The following FRMD6 variants were observed in gnomAD, a reference collection of about 807,000 sequenced individuals.
FRMD6 encodes the protein FERM domain-containing protein 6.
A neutral mutation model predicts 73.2 loss-of-function variants in FRMD6; 37 were observed. The observed-to-expected ratio is 0.51, with a 90% CI of 0.39 to 0.66. FRMD6 has a LOEUF of 0.66. FRMD6 is among the 30% of genes least tolerant of loss of function. The pLI is 0.00. For synonymous variants in FRMD6, 273 were observed against 282.2 expected (o/e 0.97, Z 0.33); for missense variants, 714 against 780.5 (o/e 0.91, Z 1.02).
At chr14:51,413,990 A>C in the FRMD6 span, among the ~76,000 whole-genome samples, 1 of 151,890 alleles carries the variant, frequency 6.6e-6, no homozygotes, top group Non-Finnish European at 1.5e-5. Flanking sequence ...TCCTTTGCCC[A>C]CTTTTTGATG....
chr14:51,642,944 G>A (rs897298843), intron 2 of FRMD6, among the ~76,000 whole-genome samples: 3 of 152,180 alleles, frequency 2.0e-5, no homozygotes, highest in African/African-American at 4.8e-5. Context: ...TAACTGAGAA[G>A]AGTCAGGAGA....
At chr14:51,429,180 T>C in the FRMD6 span, among the ~76,000 whole-genome samples, 1 of 152,192 alleles carries the variant, frequency 6.6e-6, no homozygotes, top group African/African-American at 2.4e-5. Context: ...CCAGTTCAGC[T>C]GCCAGCTAAA....
intron 2 of FRMD6, among the ~76,000 whole-genome samples, chr14:51,633,908 G>A (rs1285255359): frequency 6.6e-6 from 1 of 152,148 alleles, no homozygotes; most frequent in Non-Finnish European, 1.5e-5. Context: ...AGTACATGCA[G>A]AATCCATGCT....
At chr14:51,448,524 G>A in the FRMD6 span, among the ~76,000 whole-genome samples, 101 of 152,348 alleles carry the variant, frequency 6.6e-4, no homozygotes, top group African/African-American at 2.3e-3. Context: ...AGAAGCAATT[G>A]TTAAGCTGAT....
At chr14:51,558,784 G>T (rs532146428) in intron 1 of FRMD6, among the ~76,000 whole-genome samples, 20 of 152,222 alleles carry the variant, frequency 1.3e-4, no homozygotes, top group African/African-American at 4.6e-4. Context: ...CTCTAAAGGA[G>T]TTTTTTTGTC....
chr14:51,638,405 G>C (rs1891666728), intron 2 of FRMD6, among the ~76,000 whole-genome samples: 1 of 152,154 alleles, frequency 6.6e-6, no homozygotes, highest in Non-Finnish European at 1.5e-5. Flanking sequence ...TTGAGACTGG[G>C]AGCCTCCAGA....
In FRMD6 at chr14:51,721,938, T is replaced by C; in HGVS notation, c.1361-11T>C. On this transcript the variant is annotated splice_polypyrimidine_tract_variant and intron_variant, in intron 11 of 13. Coordinates refer to ENST00000344768, the MANE Select transcript of FRMD6 (RefSeq NM_001267046.2). The stretch of plus-strand genomic sequence containing the variant: ...TTTGTCATTAACTATCTTTTCCTTC[T>C]TCTGTGTCAGAAATAGAGATGTTGG... 2 of 1,613,914 alleles carry C rather than the reference T, an allele frequency of 1.2e-6. No individual in the cohort carries two copies. The highest frequency in any genetic ancestry group is 1.7e-6 in the Non-Finnish European group (2 of 1,179,858).
intron 1 of FRMD6, among the ~76,000 whole-genome samples, chr14:51,665,554 A>G (rs993564436): frequency 2.0e-5 from 3 of 152,142 alleles, no homozygotes; most frequent in African/African-American, 7.2e-5. Context: ...ATGTCACATC[A>G]TTGGAACTTA....
the FRMD6 span, among the ~76,000 whole-genome samples, chr14:51,464,503 C>T: frequency 5.1e-4 from 77 of 152,286 alleles, 1 homozygote; most frequent in East Asian, 0.011. Context: ...CCAACTAACT[C>T]GTGCAGGAGA....
chr14:51,725,946 C>A (rs1174199367), intron 13 of FRMD6, 76 bp downstream of exon 13: 1 of 969,702 alleles, frequency 1.0e-6, no homozygotes, highest in Non-Finnish European at 1.6e-6. Flanking sequence ...TACATTTATA[C>A]AAATGAGCAA....
chr14:51,712,535 G>A lies in FRMD6; in HGVS notation c.833G>A (p.Gly278Glu). The A allele has an allele frequency of 3.1e-6, 5 of 1,599,826 alleles. No homozygotes were observed. Among genetic ancestry groups the A allele is most frequent in the Non-Finnish European group, 4.3e-6 (5 of 1,167,778 alleles). ...TATGATTTCCCCTGGACAAATGTTG[G>A]AAAATTGGTGTTTGTGGTAAGTTTA... is the stretch of plus-strand genomic sequence containing the variant. The part of the protein sequence containing the change: ...LLYDFPWTNV[G>E]KLVFVGKKFE... The change falls in exon 9 of 14, where the codon GGA becomes GAA. Residue 278 changes from glycine (G) to glutamate (E), a missense_variant. Coordinates refer to ENST00000344768, the MANE Select transcript of FRMD6 (RefSeq NM_001267046.2).
chr14:51,630,088 T>G (rs1376170216), intron 2 of FRMD6, among the ~76,000 whole-genome samples: 10 of 152,212 alleles, frequency 6.6e-5, no homozygotes. Flanking sequence ...CCTATGATAT[T>G]ATTTCAAAGA....
intron 1 of FRMD6, among the ~76,000 whole-genome samples, chr14:51,654,902 C>T (rs990951792): frequency 6.6e-6 from 1 of 152,066 alleles, no homozygotes; most frequent in Non-Finnish European, 1.5e-5. Context: ...TTAATACAAA[C>T]CTCATAAATG....
the FRMD6 span, chr14:51,436,831 AG>A: frequency 5.2e-6 from 3 of 577,488 alleles, no homozygotes; most frequent in Non-Finnish European, 9.1e-6. Context: ...AAGAAGGAGA[AG>A]GAGAAGATGA....
chr14:51,573,024 C>G (rs1254710142), intron 2 of FRMD6, among the ~76,000 whole-genome samples: 1 of 152,216 alleles, frequency 6.6e-6, no homozygotes, highest in Non-Finnish European at 1.5e-5. Context: ...CCCCCACACA[C>G]AAAAATCATC....
chr14:51,472,906 T>C, the FRMD6 span, among the ~76,000 whole-genome samples: 1 of 152,226 alleles, frequency 6.6e-6, no homozygotes, highest in Non-Finnish European at 1.5e-5. Flanking sequence ...GAGGATAATG[T>C]AGTGTATCCT....
chr14:51,665,804 A>G (rs893655719), intron 1 of FRMD6, among the ~76,000 whole-genome samples: 17 of 152,252 alleles, frequency 1.1e-4, no homozygotes, highest in Middle Eastern at 3.4e-3. Flanking sequence ...TCTCGTGATA[A>G]TGATTAAGTC....
chr14:51,620,554 G>A (rs116177042), intron 2 of FRMD6, among the ~76,000 whole-genome samples: 2,668 of 152,094 alleles, frequency 0.018, 72 homozygotes, highest in African/African-American at 0.06. Flanking sequence ...CCAGTCAGAC[G>A]TTTGCTTGGG....
intron 1 of FRMD6, among the ~76,000 whole-genome samples, chr14:51,540,043 G>A (rs1886119291): frequency 6.6e-6 from 1 of 152,116 alleles, no homozygotes; most frequent in Non-Finnish European, 1.5e-5. Flanking sequence ...TCCAACTATT[G>A]CCCACCCTGA....
Sources: allele counts gnomAD v4.1 joint callset (sites outside exome capture counted in the v4.1 genomes callset), GRCh38; gene constraint gnomAD v4.1.1; transcripts MANE v1.5; gene names NCBI Gene and HGNC (gene_info 2026-07-23, HGNC 2026-07-21).